FUT8: variants seen among roughly 807,000 people sequenced by gnomAD.
The protein encoded by FUT8 is alpha-(1,6)-fucosyltransferase.
Under a neutral mutation model 71.3 loss-of-function variants are expected in FUT8, and 29 were observed. That is an observed-to-expected ratio of 0.41 (90% CI 0.30 to 0.55). FUT8 has a LOEUF of 0.55. Among genes scored for constraint, FUT8 ranks in the 20% least tolerant of loss-of-function variants. The pLI is 0.34. For synonymous variants in FUT8, 254 were observed against 239.3 expected (o/e 1.06, Z -0.57); for missense variants, 544 against 702.1 (o/e 0.77, Z 2.55).
chr14:65,718,900 C>G (rs1685663839), intron 7 of FUT8, among the ~76,000 whole-genome samples: 1 of 152,014 alleles, frequency 6.6e-6, no homozygotes, highest in Admixed American at 6.6e-5. Flanking sequence ...TTTCTTTATC[C>G]TTGACCTTTG....
intron 3 of FUT8, among the ~76,000 whole-genome samples, chr14:65,595,695 G>T (rs866037700): frequency 7.8e-6 from 1 of 128,406 alleles, no homozygotes; most frequent in African/African-American, 2.9e-5. Flanking sequence ...TGCAAGCTCC[G>T]CCTCCCGGGT....
chr14:65,432,611 A>C (rs2139435344), intron 1 of FUT8, among the ~76,000 whole-genome samples: 1 of 152,246 alleles, frequency 6.6e-6, no homozygotes, highest in South Asian at 2.1e-4. Flanking sequence ...ACAGGATGAG[A>C]TAGGAGGTCG....
In FUT8 at chr14:65,643,620, C is replaced by T. The variant is rs1890953761; in HGVS notation, c.597+14014C>T. Among the ~76,000 whole-genome samples the T allele has an allele frequency of 6.7e-6, 1 of 150,326 alleles. No individual in the cohort carries two copies. Among genetic ancestry groups the T allele is most frequent in the Non-Finnish European group, 1.5e-5 (1 of 67,762 alleles). Reference sequence around the variant, plus strand: ...AGTGAGCAGAGATCATGCCACTGCACTGCAGCCTGGGCGACAGAGCGAGAC... The same window carrying T: ...AGTGAGCAGAGATCATGCCACTGCATTGCAGCCTGGGCGACAGAGCGAGAC... On this transcript the variant is annotated intron_variant, in intron 6 of 10. Coordinates refer to ENST00000673929, the MANE Select transcript of FUT8 (RefSeq NM_001371533.1). This position sits in a 1 kb window ranked among gnomAD's most constrained non-coding sequence, Gnocchi z 4.5.
At chr14:65,736,719 A>T (rs78141615) in intron 10 of FUT8, among the ~76,000 whole-genome samples, 53 of 152,156 alleles carry the variant, frequency 3.5e-4, no homozygotes, top group Middle Eastern at 6.8e-3. Flanking sequence ...GACTAAAGCC[A>T]TACATCCAGA....
intron 2 of FUT8, among the ~76,000 whole-genome samples, chr14:65,512,528 A>C (rs1464772475): frequency 6.6e-6 from 1 of 152,102 alleles, no homozygotes; most frequent in Non-Finnish European, 1.5e-5. Context: ...AACCATCATT[A>C]TGTGGTGCAT....
At chr14:65,493,386 A>G (rs1223982615) in intron 2 of FUT8, among the ~76,000 whole-genome samples, 1 of 151,846 alleles carries the variant, frequency 6.6e-6, no homozygotes, top group Non-Finnish European at 1.5e-5. Flanking sequence ...TATTCTTTTC[A>G]TTTTGTTAGA....
intron 3 of FUT8, among the ~76,000 whole-genome samples, chr14:65,612,436 A>G (rs1889049727): frequency 6.6e-6 from 1 of 152,204 alleles, no homozygotes; most frequent in South Asian, 2.1e-4. Flanking sequence ...CCTAATCTGT[A>G]TGAATGCCAG....
intron 3 of FUT8, among the ~76,000 whole-genome samples, chr14:65,583,646 C>A (rs905489547): frequency 4.5e-4 from 64 of 141,314 alleles, no homozygotes; most frequent in East Asian, 4.2e-4. Flanking sequence ...AAATAATAAG[C>A]AAAAAAAAAA....
chr14:65,634,611 C>T lies in FUT8; in HGVS notation c.597+5005C>T, dbSNP rs1890441989. Among the ~76,000 whole-genome samples the T allele has an allele frequency of 2.7e-5, 4 of 146,354 alleles. No homozygotes were observed. In the South Asian group the frequency reaches 8.9e-4, roughly 33 times the overall value. On this transcript the variant is annotated intron_variant, in intron 6 of 10. Transcript: ENST00000673929. The stretch of plus-strand genomic sequence containing the variant: ...AGGGTGTCCTTTCCCCACTTGTTTG[C>T]TTTGTTGAAGATCAGTTGGCTGTAA...
rs543162660 is a variant in FUT8, at chr14:65,471,755, C to A, written c.-228+16037C>A. Among the ~76,000 whole-genome samples, 89 of 150,806 alleles carry A rather than the reference C, an allele frequency of 5.9e-4. 1 individual carries two copies. The highest frequency in any genetic ancestry group is 3.4e-3 in the Middle Eastern group (1 of 294). ...TGGATTATCAGTTTTTTTTTTTTTA[C>A]CCCCAGCTTTTTTTCTTGTCGTGAG... On this transcript the variant is annotated intron_variant, in intron 2 of 10. Coordinates refer to ENST00000673929, the MANE Select transcript of FUT8 (RefSeq NM_001371533.1).
At chr14:65,602,864 C>G (rs73286159) in intron 3 of FUT8, among the ~76,000 whole-genome samples, 1 of 151,568 alleles carries the variant, frequency 6.6e-6, no homozygotes, top group Non-Finnish European at 1.5e-5. Context: ...CTTTTTGATG[C>G]GATTGTTTTT....
chr14:65,429,541 C>T (rs2065437802), intron 1 of FUT8, among the ~76,000 whole-genome samples: 1 of 152,080 alleles, frequency 6.6e-6, no homozygotes, highest in African/African-American at 2.4e-5. Flanking sequence ...AGATTTGTCA[C>T]TCTGACAATA....
chr14:65,671,540 C>G (rs962092254), intron 7 of FUT8, among the ~76,000 whole-genome samples: 1 of 152,170 alleles, frequency 6.6e-6, no homozygotes, highest in African/African-American at 2.4e-5. Flanking sequence ...TACATACCCC[C>G]AGTCTAAGTC....
rs145764103 is a variant in FUT8, at chr14:65,424,313, TG to T, written c.-326+11100del. Among the ~76,000 whole-genome samples, 870 of 152,308 alleles carry T rather than the reference TG, an allele frequency of 5.7e-3. 31 individuals carry two copies. In the East Asian group the frequency reaches 0.092, roughly 16 times the overall value. ...ACAGGGTGTAGTACAGTTAAATTTA[TG>T]TAGTTATGATTTAATACTGCATCTT... On this transcript the variant is annotated intron_variant, in intron 1 of 10. Transcript: ENST00000673929.
intron 1 of FUT8, among the ~76,000 whole-genome samples, chr14:65,419,566 A>G (rs1371561924): frequency 6.6e-6 from 1 of 152,234 alleles, no homozygotes; most frequent in Non-Finnish European, 1.5e-5. Flanking sequence ...TAGAAGTTGT[A>G]TTAGTTTTTA....
At chr14:65,528,122 G>T (rs961796919) in intron 2 of FUT8, among the ~76,000 whole-genome samples, 1 of 152,246 alleles carries the variant, frequency 6.6e-6, no homozygotes, top group Non-Finnish European at 1.5e-5. Context: ...GCTGCCTTTT[G>T]TTCGGCTATG....
chr14:65,488,630 A>T (rs1297426083), intron 2 of FUT8: 1 of 152,178 alleles, frequency 6.6e-6, no homozygotes. Context: ...AAATTAAATT[A>T]TCTTTATCCT....
Position 65,528,126 on chromosome 14 carries a change from G to A in FUT8, c.-227-33211G>A, listed in dbSNP as rs1377937074. ...CAGAAGTTTCTGCTGCCTTTTGTTC[G>A]GCTATGCCCTGTCCACAGAGGTGGA... On this transcript the variant is annotated intron_variant, in intron 2 of 10. Coordinates refer to ENST00000673929, the MANE Select transcript of FUT8 (RefSeq NM_001371533.1). Among the ~76,000 whole-genome samples, 19 of 152,208 alleles carry A rather than the reference G, an allele frequency of 1.2e-4. No individual in the cohort carries two copies. The East Asian group carries it at 2.5e-3, about 20-fold the overall frequency.
chr14:65,652,243 C>G lies in FUT8; in HGVS notation c.598-17000C>G, dbSNP rs542656268. Among the ~76,000 whole-genome samples, 7 of 152,306 alleles carry G rather than the reference C, an allele frequency of 4.6e-5. No individual in the cohort carries two copies. In the East Asian group the frequency reaches 1.2e-3, roughly 25 times the overall value. ...GTAAGAGCCTTCAGTGGACCAGAAGCTGGAAAGGCCAGATACTCGCTTTCC... is the reference window on the plus strand; with the variant it reads ...GTAAGAGCCTTCAGTGGACCAGAAGGTGGAAAGGCCAGATACTCGCTTTCC... On this transcript the variant is annotated intron_variant, in intron 6 of 10. Transcript: ENST00000673929. This position sits in a 1 kb window ranked among gnomAD's most constrained non-coding sequence, Gnocchi z 4.0.
Sources: allele counts gnomAD v4.1 joint callset (sites outside exome capture counted in the v4.1 genomes callset), GRCh38; gene constraint gnomAD v4.1.1; non-coding constraint Gnocchi (gnomAD v3.1); transcripts MANE v1.5; gene names NCBI Gene and HGNC (gene_info 2026-07-23, HGNC 2026-07-21).